Variants in CCNB1IP1 observed in about 807,000 individuals in gnomAD.
The protein encoded by CCNB1IP1 is cyclin B1 interacting protein 1, also known as E3 ubiquitin-protein ligase CCNB1IP1.
CCNB1IP1 carries 14 observed loss-of-function variants against 25.6 expected under a neutral mutation model. The ratio of observed to expected loss-of-function variants is 0.55; its 90% CI spans 0.36 to 0.85. The LOEUF (loss-of-function observed/expected upper bound fraction) is 0.85, where lower values mean the gene tolerates loss of function less well. Ranked by LOEUF, CCNB1IP1 falls within the 40% of genes least tolerant of loss-of-function variation. The pLI, the probability that CCNB1IP1 is intolerant of heterozygous loss-of-function variation, is 0.01. For synonymous variants in CCNB1IP1, 119 were observed against 116.1 expected, an observed-to-expected ratio of 1.02 and a Z score of -0.16; for missense variants, 278 against 342.4, an observed-to-expected ratio of 0.81 and a Z score of 1.48.
intron 4 of CCNB1IP1, among the ~76,000 whole-genome samples, 192 bp downstream of exon 4, chr14:20,325,347 G>A (rs990699098): frequency 1.1e-4 from 16 of 150,922 alleles, no homozygotes; most frequent in Non-Finnish European, 1.9e-4. Context: ...CGTGAACCCG[G>A]GAGGCGGAGC....
chr14:20,313,644 T>G lies in CCNB1IP1; in HGVS notation c.455A>C (p.Glu152Ala), dbSNP rs754084336. ...GATGTCACTGAACTTTTTCTTGTAT[T>G]CTTCTAGTACTTTCTTCATGGAGGT... The part of the protein sequence containing the change: ...EVTSMKKVLE[E>A]YKKKFSDISE... Residue 152 changes from glutamate to alanine, a missense_variant, in exon 6 of 7, where the codon GAA becomes GCA. By Grantham distance (107) the Glu-to-Ala change is moderately radical (BLOSUM62 -1). Transcript: ENST00000358932. The G allele has an allele frequency of 3.1e-6, 5 of 1,614,094 alleles. No individual in the cohort carries two copies. The highest frequency in any genetic ancestry group is 4.2e-6 in the Non-Finnish European group (5 of 1,180,034).
chr14:20,316,269 C>T lies in CCNB1IP1; in HGVS notation c.255G>A (p.Val85=), dbSNP rs956810735. ...MVLAGLRPEI[V]LDISSRALAF... Reference sequence around the variant, plus strand: ...CCAGCGCTCGGGAGCTAATGTCCAACACGATCTCTGGTCGCAGTCCTGCCA... The same window carrying T: ...CCAGCGCTCGGGAGCTAATGTCCAATACGATCTCTGGTCGCAGTCCTGCCA... The change falls in exon 5 of 7, where the codon GTG becomes GTA. Residue 85 remains valine (V), a synonymous_variant. Transcript: ENST00000358932. The T allele has an allele frequency of 1.2e-6, 2 of 1,613,982 alleles. No homozygotes were observed. Among genetic ancestry groups the T allele is most frequent in the Non-Finnish European group, 8.5e-7 (1 of 1,179,858 alleles).
At chr14:20,316,843 C>A (rs1882715485) in intron 4 of CCNB1IP1, among the ~76,000 whole-genome samples, 1 of 152,192 alleles carries the variant, frequency 6.6e-6, no homozygotes, top group South Asian at 2.1e-4. Context: ...CTCAGTGGCT[C>A]AAGCGTACAA....
intron 4 of CCNB1IP1, among the ~76,000 whole-genome samples, chr14:20,317,105 T>G (rs1196711877): frequency 6.6e-6 from 1 of 151,208 alleles, no homozygotes; most frequent in Non-Finnish European, 1.5e-5. Context: ...CAAGAATCTC[T>G]CTCATAACAT....
intron 5 of CCNB1IP1, chr14:20,314,246 T>C (rs1378475312): frequency 6.5e-6 from 1 of 154,008 alleles, no homozygotes; most frequent in East Asian, 1.9e-4. Flanking sequence ...CTACAGAAAA[T>C]GTGACAGGTT....
At chr14:20,311,973 T>A (rs780531447) in intron 6 of CCNB1IP1, among the ~76,000 whole-genome samples, 18 of 152,180 alleles carry the variant, frequency 1.2e-4, no homozygotes, top group Non-Finnish European at 2.2e-4. Flanking sequence ...AATATTGGCA[T>A]ATACCATGAC....
chr14:20,312,386 C>CA (rs1555312644), intron 6 of CCNB1IP1, among the ~76,000 whole-genome samples: 1 of 147,266 alleles, frequency 6.8e-6, no homozygotes, highest in African/African-American at 2.5e-5. Flanking sequence ...TGCCCCCCAC[C>CA]TTTTTTTTTT....
chr14:20,332,715 C>A (rs2138884086), intron 1 of CCNB1IP1: 1 of 152,288 alleles, frequency 6.6e-6, no homozygotes. Context: ...TAAGGCTTAT[C>A]TGTCTTCAGA....
chr14:20,327,076 G>A (rs112199320), intron 2 of CCNB1IP1, among the ~76,000 whole-genome samples: 3,916 of 151,162 alleles, frequency 0.026, 174 homozygotes, highest in African/African-American at 0.09. Context: ...ACCCCGTCTC[G>A]AACAAAACAA....
chr14:20,320,035 C>T (rs1253560344), intron 4 of CCNB1IP1, among the ~76,000 whole-genome samples: 3 of 152,208 alleles, frequency 2.0e-5, no homozygotes, highest in Non-Finnish European at 4.4e-5. Context: ...AATGACTACT[C>T]AGGGATCCTC....
intron 4 of CCNB1IP1, among the ~76,000 whole-genome samples, chr14:20,322,387 T>G (rs1882922441): frequency 6.6e-6 from 1 of 152,162 alleles, no homozygotes. Flanking sequence ...GTATCTCTTT[T>G]GGGCCAAGCC....
intron 1 of CCNB1IP1, among the ~76,000 whole-genome samples, chr14:20,331,268 T>C (rs967899437): frequency 6.6e-6 from 1 of 152,182 alleles, no homozygotes; most frequent in African/African-American, 2.4e-5. Context: ...GATGACTTGG[T>C]TGTTCTGGGC....
At chr14:20,315,583 TAA>T (rs1308221451) in intron 5 of CCNB1IP1, 1 of 1,284,822 alleles carries the variant, frequency 7.8e-7, no homozygotes, top group South Asian at 1.3e-5. Flanking sequence ...AGGACATGCT[TAA>T]AGTCATCCAC....
intron 3 of CCNB1IP1, among the ~76,000 whole-genome samples, chr14:20,326,081 T>G (rs894932609): frequency 6.6e-6 from 1 of 152,228 alleles, no homozygotes; most frequent in African/African-American, 2.4e-5. Context: ...GATTCTATAG[T>G]GTTGTACCGT....
At chr14:20,311,868 CT>C in intron 6 of CCNB1IP1, 116 bp from the exon 7 acceptor site, 1 of 585,360 alleles carries the variant, frequency 1.7e-6, no homozygotes, top group Non-Finnish European at 2.7e-6. Context: ...CAATATTTGT[CT>C]TAGAAAAAAA....
chr14:20,315,873 G>C, intron 5 of CCNB1IP1: 1 of 603,560 alleles, frequency 1.7e-6, no homozygotes, highest in Middle Eastern at 3.0e-4. Flanking sequence ...AGAAAACCCC[G>C]TCTCAAAAGG....
At chr14:20,312,014 G>A (rs1006056237) in intron 6 of CCNB1IP1, among the ~76,000 whole-genome samples, 7 of 152,128 alleles carry the variant, frequency 4.6e-5, no homozygotes, top group Admixed American at 2.0e-4. Flanking sequence ...CTTAAGACAA[G>A]CAGATAATAG....
intron 1 of CCNB1IP1, among the ~76,000 whole-genome samples, chr14:20,330,125 A>AAAAAAAAAAAAAAAAAAAC (rs1345596226): frequency 1.1e-4 from 16 of 150,824 alleles, no homozygotes; most frequent in African/African-American, 3.7e-4. Flanking sequence ...AAAACAAAAA[A>AAAAAAAAAAAAAAAAAAAC]CATGTCCTTT....
At position 20,320,127 on chromosome 14, in the gene CCNB1IP1, A is replaced by C. The variant is rs553220973; in HGVS notation, c.-37-3567T>G. Among the ~76,000 whole-genome samples, 4 of 152,364 alleles carry C rather than the reference A, an allele frequency of 2.6e-5. No individual in the cohort carries two copies. The South Asian group carries it at 8.3e-4, about 32-fold the overall frequency. On this transcript the variant is annotated intron_variant, in intron 4 of 6. Transcript: ENST00000358932. ...TTTAACAGTAATATGACATGCAAAC[A>C]TAAGTTTGAATTTTAGTGTACACAA... is the stretch of plus-strand genomic sequence containing the variant.
Sources: gnomAD v4.1 joint callset for allele counts (sites outside exome capture counted in the v4.1 genomes callset) on GRCh38, gnomAD v4.1.1 for gene constraint, MANE v1.5 for transcripts, NCBI Gene and HGNC (gene_info 2026-07-23, HGNC 2026-07-21) for gene names.